The following XKR3 variants were observed in gnomAD, a reference collection of about 807,000 sequenced individuals.
XKR3 encodes the protein XK-related protein 3.
Under a neutral mutation model 40.3 loss-of-function variants are expected in XKR3, and 27 were observed. That is an observed-to-expected ratio of 0.67 (90% CI 0.49 to 0.92). The LOEUF (loss-of-function observed/expected upper bound fraction) is 0.92, where lower values mean the gene tolerates loss of function less well. Among genes scored for constraint, XKR3 ranks in the 40% least tolerant of loss-of-function variants. XKR3 has a pLI of 0.00. For synonymous variants in XKR3, 193 were observed against 195.4 expected (o/e 0.99, Z 0.10); for missense variants, 472 against 537.6 (o/e 0.88, Z 1.21).
At chr22:16,785,331 A>T (rs1157048892) in intron 3 of XKR3, among the ~76,000 whole-genome samples, 7 of 151,916 alleles carry the variant, frequency 4.6e-5, no homozygotes, top group African/African-American at 1.7e-4. Flanking sequence ...AAACAAACAA[A>T]AAAAAAGAAG....
chr22:16,809,395 T>TA (rs905782349), intron 1 of XKR3, among the ~76,000 whole-genome samples: 1 of 152,190 alleles, frequency 6.6e-6, no homozygotes, highest in African/African-American at 2.4e-5. Flanking sequence ...ACACGTGTAT[T>TA]AAAAAAACCA....
At chr22:16,798,574 G>A (rs5746898) in intron 3 of XKR3, among the ~76,000 whole-genome samples, 16,564 of 152,088 alleles carry the variant, frequency 0.11, 1,284 homozygotes, top group African/African-American at 0.21. Context: ...GATCAACTCA[G>A]GTGCCCATCA....
rs1049956692 is a variant in XKR3, at chr22:16,825,290, C to A, written c.-11+1G>T. ...GATGGTCGAGGGCTGCTCCTACTTA[C>A]CTTGCCTATTTGCCACCCTCACAGT... On this transcript the variant is annotated splice_donor_variant, in intron 1 of 3. Coordinates refer to ENST00000684488, the MANE Select transcript of XKR3 (RefSeq NM_001386955.1). LOFTEE classifies it low-confidence loss of function (5UTR_SPLICE). Among the ~76,000 whole-genome samples the A allele has an allele frequency of 2.0e-5, 3 of 152,190 alleles. No individual in the cohort carries two copies. Among genetic ancestry groups the A allele is most frequent in the Non-Finnish European group, 4.4e-5 (3 of 68,024 alleles).
chr22:16,809,438 A>C (rs1481856017), intron 1 of XKR3, among the ~76,000 whole-genome samples: 1 of 152,182 alleles, frequency 6.6e-6, no homozygotes. Flanking sequence ...ACTGTCTCTC[A>C]TGGTGCTGAA....
At chr22:16,808,505 T>C (rs184491901) in intron 1 of XKR3, among the ~76,000 whole-genome samples, 14 of 152,320 alleles carry the variant, frequency 9.2e-5, no homozygotes, top group Non-Finnish European at 1.2e-4. Context: ...CTAAGAAAAC[T>C]ATCCCCAGAT....
chr22:16,822,951 T>C (rs535635429), intron 1 of XKR3, among the ~76,000 whole-genome samples: 1 of 152,304 alleles, frequency 6.6e-6, no homozygotes, highest in South Asian at 2.1e-4. Flanking sequence ...TGGCGTGACC[T>C]AGACTCACTG....
intron 2 of XKR3, among the ~76,000 whole-genome samples, chr22:16,804,854 A>T (rs1380486702): frequency 1.3e-5 from 2 of 152,154 alleles, no homozygotes; most frequent in East Asian, 3.8e-4. Flanking sequence ...GTATAAAACC[A>T]CGCTGTACCC....
intron 3 of XKR3, among the ~76,000 whole-genome samples, chr22:16,799,499 G>A (rs1356614157): frequency 1.4e-5 from 2 of 147,100 alleles, no homozygotes; most frequent in African/African-American, 5.1e-5. Flanking sequence ...TTATTCCTCT[G>A]CTTCATCTCT....
chr22:16,808,710 G>T (rs1702870215), intron 1 of XKR3, among the ~76,000 whole-genome samples: 1 of 152,074 alleles, frequency 6.6e-6, no homozygotes, highest in African/African-American at 2.4e-5. Context: ...ACTCTCTTTT[G>T]TTGGGGGGAA....
At chr22:16,803,573 G>A (rs938431633) in intron 2 of XKR3, among the ~76,000 whole-genome samples, 36 of 152,298 alleles carry the variant, frequency 2.4e-4, no homozygotes, top group African/African-American at 8.7e-4. Flanking sequence ...GTTCTAAAAT[G>A]TGTGTAATAA....
At chr22:16,802,728 T>A (rs1377063610) in intron 2 of XKR3, among the ~76,000 whole-genome samples, 1 of 152,114 alleles carries the variant, frequency 6.6e-6, no homozygotes, top group Admixed American at 6.5e-5. Context: ...GACCTTGTGA[T>A]CTGCCTGCCT....
chr22:16,800,119 G>C, intron 2 of XKR3, 95 bp from the exon 3 acceptor site: 2 of 1,389,350 alleles, frequency 1.4e-6, no homozygotes, highest in Non-Finnish European at 1.9e-6. Context: ...TCTTAATTTT[G>C]AAATTATACT....
Position 16,784,380 on chromosome 22 carries a change from C to T in XKR3, c.619G>A (p.Val207Ile), listed in dbSNP as rs201027876. 1.2e-3 allele frequency: 1,997 copies of T among 1,603,086 alleles called. No homozygotes were observed. The highest frequency in any genetic ancestry group is 1.6e-3 in the Non-Finnish European group (1,833 of 1,175,842). Residue 207 changes from valine to isoleucine, a missense_variant, in exon 4 of 4, where the codon GTT (valine) becomes ATT (isoleucine). By Grantham distance (29) the Val-to-Ile change is conservative (BLOSUM62 3). Transcript: ENST00000684488. ...ALLMTFSLLSVTYGAIRCNIL... is the reference protein window; with the variant it reads ...ALLMTFSLLSITYGAIRCNIL... Reference sequence around the variant, plus strand: ...TTGCAGCGAATGGCCCCATAAGTAACTGATAACAGGGAAAATGTCATCAGC... The same window carrying T: ...TTGCAGCGAATGGCCCCATAAGTAATTGATAACAGGGAAAATGTCATCAGC...
At chr22:16,806,019 T>C (rs1042503188) in intron 2 of XKR3, among the ~76,000 whole-genome samples, 2 of 152,180 alleles carry the variant, frequency 1.3e-5, no homozygotes, top group Non-Finnish European at 2.9e-5. Context: ...AATGTCAGTC[T>C]GACAGTCTGG....
chr22:16,794,319 T>C (rs1418203291), intron 3 of XKR3, among the ~76,000 whole-genome samples: 1 of 150,968 alleles, frequency 6.6e-6, no homozygotes, highest in Non-Finnish European at 1.5e-5. Flanking sequence ...AACACGAAAA[T>C]ATAAATGCAG....
chr22:16,786,568 A>C lies in XKR3; in HGVS notation c.590-2159T>G, dbSNP rs1328718303. ...TCAGAGGGAAGACCATGGCAGCTGC[A>C]TGCCTTGAGTGCATCCAGTGCTCTA... On this transcript the variant is annotated intron_variant, in intron 3 of 3. Transcript: ENST00000684488. Among the ~76,000 whole-genome samples, 25 of 152,144 alleles carry C rather than the reference A, an allele frequency of 1.6e-4. 1 individual carries two copies. Among genetic ancestry groups the C allele is most frequent in the African/African-American group, 6.0e-4 (25 of 41,440 alleles).
intron 3 of XKR3, among the ~76,000 whole-genome samples, chr22:16,793,661 C>G (rs1480106262): frequency 6.6e-5 from 10 of 152,138 alleles, no homozygotes; most frequent in African/African-American, 2.4e-4. Context: ...AATAGGCTGT[C>G]AAAGAGGCAA....
chr22:16,815,947 G>A (rs1021393527), intron 1 of XKR3, among the ~76,000 whole-genome samples: 2 of 151,160 alleles, frequency 1.3e-5, no homozygotes, highest in Admixed American at 6.6e-5. Flanking sequence ...ATCTATTATT[G>A]TCCCTCCTTA....
chr22:16,823,287 A>C (rs759544177), intron 1 of XKR3, among the ~76,000 whole-genome samples: 2 of 150,398 alleles, frequency 1.3e-5, no homozygotes, highest in Non-Finnish European at 3.0e-5. Context: ...GTGTAGAGAA[A>C]ATAATACATC....
Sources: allele counts gnomAD v4.1 joint callset (sites outside exome capture counted in the v4.1 genomes callset), GRCh38; gene constraint gnomAD v4.1.1; transcripts MANE v1.5; gene names NCBI Gene and HGNC (gene_info 2026-07-23, HGNC 2026-07-21).